AFAP1: variants seen among roughly 807,000 people sequenced by gnomAD.
The protein encoded by AFAP1 is actin filament associated protein 1.
A neutral mutation model predicts 93.9 loss-of-function variants in AFAP1; 75 were observed. The ratio of observed to expected loss-of-function variants is 0.80; its 90% CI spans 0.66 to 0.97. AFAP1 has a LOEUF of 0.97. Ranked by LOEUF, AFAP1 falls within the 50% of genes least tolerant of loss-of-function variation. The probability of loss-of-function intolerance (pLI) is 0.00; values close to 1 mark genes in which losing one functional copy is unlikely to be tolerated. For missense variants in AFAP1, 1,201 were observed against 1,050.8 expected (o/e 1.14, Z -1.98); for synonymous variants, 517 against 430.7 (o/e 1.20, Z -2.48).
intron 4 of AFAP1, among the ~76,000 whole-genome samples, chr4:7,849,850 A>G (rs1714232159): frequency 6.6e-6 from 1 of 152,144 alleles, no homozygotes; most frequent in Non-Finnish European, 1.5e-5. Flanking sequence ...GCTACAAAAT[A>G]CAAAATGCAA....
intron 14 of AFAP1, 187 bp downstream of exon 14, chr4:7,778,575 G>A (rs1475490405): frequency 4.7e-6 from 3 of 637,384 alleles, no homozygotes; most frequent in Non-Finnish European, 8.4e-6. Context: ...TTTACAAGCA[G>A]TCAGAAAAGC....
At chr4:7,786,353 C>G in intron 11 of AFAP1, 42 bp from the exon 12 acceptor site, 1 of 1,511,032 alleles carries the variant, frequency 6.6e-7, no homozygotes, top group Non-Finnish European at 9.2e-7. Flanking sequence ...ACCTGACCAC[C>G]TTTTACTCCA....
chr4:7,877,389 G>C (rs1301983035), intron 1 of AFAP1, among the ~76,000 whole-genome samples: 4 of 152,228 alleles, frequency 2.6e-5, no homozygotes, highest in African/African-American at 9.6e-5. Context: ...AGAGGAATAA[G>C]AACTCCTGTG....
intron 1 of AFAP1, among the ~76,000 whole-genome samples, chr4:7,924,444 C>T (rs539779533): frequency 3.9e-5 from 6 of 152,312 alleles, no homozygotes; most frequent in South Asian, 2.1e-4. Context: ...GATTCCCTAA[C>T]GATGGACAGA....
intron 6 of AFAP1, among the ~76,000 whole-genome samples, chr4:7,831,259 T>C (rs1158301433): frequency 6.6e-6 from 1 of 152,138 alleles, no homozygotes; most frequent in African/African-American, 2.4e-5. Context: ...ACTTCTTAGA[T>C]TCCTGTACCA....
chr4:7,791,735 C>A lies in AFAP1; in HGVS notation c.1412+1946G>T, dbSNP rs191113249. Among the ~76,000 whole-genome samples the A allele has an allele frequency of 3.9e-3, 591 of 151,738 alleles. 2 individuals are homozygous for A. Among genetic ancestry groups the A allele is most frequent in the Non-Finnish European group, 3.4e-3 (228 of 67,938 alleles). ...AGGCATGGTGGCACATGCCTGTAGT[C>A]CCATTTGCTTAGGAGGCTGAGATGG... On this transcript the variant is annotated intron_variant, in intron 11 of 17. Transcript: ENST00000420658.
At chr4:7,930,006 G>C (rs1473123878) in intron 1 of AFAP1, among the ~76,000 whole-genome samples, 1 of 152,226 alleles carries the variant, frequency 6.6e-6, no homozygotes, top group Non-Finnish European at 1.5e-5. Flanking sequence ...TTCGGAGTCA[G>C]AGCTTGAATT....
At position 7,855,545 on chromosome 4, in the gene AFAP1, T is replaced by C; in HGVS notation, c.255A>G (p.Pro85=). ...LPPDSGPPPL[P]TSSLPEGYYE... ...AATAACCTTCTGGGAGGGAGGATGT[T>C]GGCAATGGTGGAGGCCCACTGTCAG... The change falls in exon 4 of 18, where the codon CCA becomes CCG. Residue 85 remains proline, a synonymous_variant. Coordinates refer to ENST00000420658, the MANE Select transcript of AFAP1 (RefSeq NM_001134647.2). The C allele has an allele frequency of 6.2e-7, 1 of 1,614,014 alleles. No individual in the cohort carries two copies. The highest frequency in any genetic ancestry group is 8.5e-7 in the Non-Finnish European group (1 of 1,179,952).
chr4:7,855,362 G>A (rs548484615), intron 4 of AFAP1, 104 bp downstream of exon 4: 4 of 906,026 alleles, frequency 4.4e-6, no homozygotes, highest in South Asian at 1.7e-5. Flanking sequence ...GGCCCACAGT[G>A]TTTTATAATA....
chr4:7,865,575 G>T (rs775120533), intron 3 of AFAP1, among the ~76,000 whole-genome samples: 1 of 152,182 alleles, frequency 6.6e-6, no homozygotes, highest in Non-Finnish European at 1.5e-5. Flanking sequence ...GCCAGGGAAA[G>T]CAAGAGACAA....
At chr4:7,843,472 C>G in intron 4 of AFAP1, 122 bp from the exon 5 acceptor site, 5 of 930,816 alleles carry the variant, frequency 5.4e-6, no homozygotes, top group Non-Finnish European at 7.9e-6. Flanking sequence ...GGGACCTCTG[C>G]TCCTTAAGGG....
chr4:7,938,054 C>G (rs370970639), intron 1 of AFAP1, among the ~76,000 whole-genome samples: 2 of 152,168 alleles, frequency 1.3e-5, no homozygotes, highest in East Asian at 3.9e-4. Flanking sequence ...AGATCATAAG[C>G]TCTTAAAGAC....
intron 1 of AFAP1, among the ~76,000 whole-genome samples, chr4:7,922,189 C>T (rs1450871291): frequency 6.6e-6 from 1 of 152,166 alleles, no homozygotes; most frequent in Non-Finnish European, 1.5e-5. Context: ...CTCTCCAGGA[C>T]CTTTTGAATG....
chr4:7,804,369 G>A (rs550672158), intron 9 of AFAP1, among the ~76,000 whole-genome samples: 53 of 152,236 alleles, frequency 3.5e-4, no homozygotes, highest in African/African-American at 1.2e-3. Flanking sequence ...ATTATGGTAG[G>A]GTGTTACTGA....
chr4:7,908,988 AATT>A (rs1316043975), intron 1 of AFAP1, among the ~76,000 whole-genome samples: 2 of 3,996 alleles, frequency 5.0e-4, no homozygotes, highest in African/African-American at 1.9e-3. Context: ...GGCTACATTC[AATT>A]GAAATTCAAG....
rs577801745 is a variant in AFAP1 at position 7,781,883 on chromosome 4, AT to A, written c.1531-257del. ...TGACTTCTGAAGCCTTATGGAAAAA[AT>A]TTTTTTTTCCTTAAACCATTCCCAG... is the stretch of plus-strand genomic sequence containing the variant. On this transcript the variant is annotated intron_variant, in intron 12 of 17. Transcript: ENST00000420658. Among the ~76,000 whole-genome samples, 613 of 151,768 alleles carry A rather than the reference AT, an allele frequency of 4.0e-3. 3 individuals are homozygous for A. The highest frequency in any genetic ancestry group is 6.0e-3 in the Non-Finnish European group (407 of 67,898).
At chr4:7,767,731 C>A (rs1019498409) in intron 17 of AFAP1, among the ~76,000 whole-genome samples, 6 of 152,136 alleles carry the variant, frequency 3.9e-5, no homozygotes, top group African/African-American at 1.4e-4. Flanking sequence ...GCACTCATTC[C>A]CATCTCGCAG....
intron 1 of AFAP1, among the ~76,000 whole-genome samples, chr4:7,910,325 C>T (rs1237534883): frequency 7.2e-5 from 11 of 152,112 alleles, no homozygotes; most frequent in Admixed American, 5.9e-4. Flanking sequence ...TACCAACCGG[C>T]CTGGTCACTT....
At chr4:7,838,347 G>A (rs905471949) in intron 6 of AFAP1, among the ~76,000 whole-genome samples, 177 bp downstream of exon 6, 4 of 152,178 alleles carry the variant, frequency 2.6e-5, no homozygotes, top group East Asian at 3.9e-4. Flanking sequence ...TGAAAGTGAC[G>A]CGGGGTTTCT....
Sources: gnomAD v4.1 joint callset for allele counts (sites outside exome capture counted in the v4.1 genomes callset) on GRCh38, gnomAD v4.1.1 for gene constraint, MANE v1.5 for transcripts, NCBI Gene and HGNC (gene_info 2026-07-23, HGNC 2026-07-21) for gene names.